Variants in FRMD4A observed in about 807,000 individuals in gnomAD.
FRMD4A encodes the protein FERM domain containing 4A.
Under a neutral mutation model 129.1 loss-of-function variants are expected in FRMD4A, and 29 were observed. That is an observed-to-expected ratio of 0.22 (90% CI 0.17 to 0.31). The LOEUF is 0.31. Ranked by LOEUF, FRMD4A falls within the 10% of genes least tolerant of loss-of-function variation. FRMD4A has a pLI of 1.00. For missense variants in FRMD4A, 1,272 were observed against 1,375.8 expected, an observed-to-expected ratio of 0.92 and a Z score of 1.19; for synonymous variants, 634 against 571.6, an observed-to-expected ratio of 1.11 and a Z score of -1.56.
At chr10:13,960,214 T>A (rs776209525) in intron 2 of FRMD4A, among the ~76,000 whole-genome samples, 2 of 152,150 alleles carry the variant, frequency 1.3e-5, no homozygotes, top group African/African-American at 2.4e-5. Context: ...CCTGACAAAA[T>A]TGTTTGTCAA....
intron 2 of FRMD4A, among the ~76,000 whole-genome samples, chr10:14,171,149 C>T (rs1049432973): frequency 5.3e-5 from 8 of 152,002 alleles, no homozygotes; most frequent in African/African-American, 1.9e-4. Context: ...AATTCACGGA[C>T]ATGATTGATT....
chr10:14,061,316 G>C (rs1011458354), intron 2 of FRMD4A, among the ~76,000 whole-genome samples: 1 of 152,140 alleles, frequency 6.6e-6, no homozygotes, highest in African/African-American at 2.4e-5. Context: ...TCCAGGTGTG[G>C]TGATGTGCAC....
intron 2 of FRMD4A, among the ~76,000 whole-genome samples, chr10:14,016,130 A>G (rs1480741681): frequency 6.6e-6 from 1 of 152,250 alleles, no homozygotes; most frequent in African/African-American, 2.4e-5. Context: ...CTGAGTCTGC[A>G]TGTGAAAATG....
chr10:13,885,858 T>G (rs1263638500), intron 2 of FRMD4A, among the ~76,000 whole-genome samples: 1 of 152,158 alleles, frequency 6.6e-6, no homozygotes, highest in Non-Finnish European at 1.5e-5. Context: ...CTGCTCCCCA[T>G]TGTGCTCCAT....
chr10:13,813,225 G>A (rs1276604598), intron 3 of FRMD4A, among the ~76,000 whole-genome samples: 1 of 152,258 alleles, frequency 6.6e-6, no homozygotes, highest in African/African-American at 2.4e-5. Context: ...TGGGCAGATT[G>A]CGTGAGGTCA....
chr10:14,234,787 A>G (rs1390146285), intron 2 of FRMD4A, among the ~76,000 whole-genome samples: 1 of 152,214 alleles, frequency 6.6e-6, no homozygotes, highest in African/African-American at 2.4e-5. Flanking sequence ...GTGGGCATTC[A>G]GATCTTCCCC....
At chr10:14,178,372 T>G (rs1265978441) in intron 2 of FRMD4A, among the ~76,000 whole-genome samples, 1 of 152,250 alleles carries the variant, frequency 6.6e-6, no homozygotes, top group Non-Finnish European at 1.5e-5. Context: ...GAACATCCAC[T>G]TCAAGCCAGG....
intron 2 of FRMD4A, among the ~76,000 whole-genome samples, chr10:13,878,029 C>T (rs913209971): frequency 6.6e-6 from 1 of 152,132 alleles, no homozygotes; most frequent in Non-Finnish European, 1.5e-5. Context: ...CAGACAGTAA[C>T]GTAGCACCTT....
intron 2 of FRMD4A, chr10:14,074,367 C>T (rs912273810): frequency 6.6e-6 from 1 of 152,118 alleles, no homozygotes. Context: ...ATGTTTAAGA[C>T]CTGGGTCTTC....
At chr10:14,045,540 A>T (rs1275858802) in intron 2 of FRMD4A, among the ~76,000 whole-genome samples, 1 of 151,388 alleles carries the variant, frequency 6.6e-6, no homozygotes, top group African/African-American at 2.4e-5. Flanking sequence ...ATGTATCGTT[A>T]TTGAATAATA....
At chr10:13,670,588 C>T in intron 16 of FRMD4A, 60 bp from the exon 17 acceptor site, 2 of 1,577,354 alleles carry the variant, frequency 1.3e-6, no homozygotes, top group Middle Eastern at 1.7e-4. Flanking sequence ...TGTCTGCTTC[C>T]TAGAACACAC....
At chr10:14,223,334 C>G (rs1843324678) in intron 2 of FRMD4A, among the ~76,000 whole-genome samples, 1 of 152,228 alleles carries the variant, frequency 6.6e-6, no homozygotes, top group Non-Finnish European at 1.5e-5. Flanking sequence ...TCCCCCATAT[C>G]TGGAGTGGAG....
chr10:13,843,680 T>C (rs1258150692), intron 3 of FRMD4A, among the ~76,000 whole-genome samples: 1 of 152,144 alleles, frequency 6.6e-6, no homozygotes, highest in Non-Finnish European at 1.5e-5. Flanking sequence ...GTATTTTTAG[T>C]AGAGATGGGA....
chr10:13,894,306 G>A (rs555175434), intron 2 of FRMD4A, among the ~76,000 whole-genome samples: 29 of 152,248 alleles, frequency 1.9e-4, no homozygotes, highest in South Asian at 4.2e-4. Flanking sequence ...CGTAACTTTC[G>A]CTAAAAACCT....
At chr10:13,748,320 G>A (rs1385820954) in intron 8 of FRMD4A, among the ~76,000 whole-genome samples, 4 of 152,162 alleles carry the variant, frequency 2.6e-5, no homozygotes, top group African/African-American at 9.7e-5. Flanking sequence ...ACCACATGCT[G>A]GAAACTGTTT....
chr10:13,666,442 G>C, intron 17 of FRMD4A, 117 bp from the exon 18 acceptor site: 2 of 681,596 alleles, frequency 2.9e-6, no homozygotes, highest in Non-Finnish European at 5.1e-6. Flanking sequence ...CTTAAGAGTA[G>C]CCCCACTCCT....
intron 12 of FRMD4A, among the ~76,000 whole-genome samples, chr10:13,737,240 C>T (rs916909596): frequency 4.6e-5 from 7 of 152,222 alleles, no homozygotes; most frequent in African/African-American, 1.7e-4. Context: ...CAGGCATGCA[C>T]CACCATGCCC....
In FRMD4A at chr10:13,645,472, A is replaced by G. The variant is rs1016468678; in HGVS notation, c.*1566T>C. The G allele has an allele frequency of 6.6e-6, 1 of 152,578 alleles. No homozygotes were observed. Among genetic ancestry groups the G allele is most frequent in the African/African-American group, 2.4e-5 (1 of 41,430 alleles). The allele number at this position is 152,578 out of a possible 1,614,324, so 9.5% of individuals were successfully genotyped here. ...AAAGTCGTGCACTTGTTACTATAAA[A>G]GTATTTTTGAGGCCTTTGAAGATTG... is the stretch of plus-strand genomic sequence containing the variant. On this transcript the variant is annotated 3_prime_UTR_variant, in exon 25 of 25. Coordinates refer to ENST00000357447, the MANE Select transcript of FRMD4A (RefSeq NM_018027.5).
At chr10:14,152,880 G>A (rs1344599060) in intron 2 of FRMD4A, among the ~76,000 whole-genome samples, 1 of 152,102 alleles carries the variant, frequency 6.6e-6, no homozygotes, top group Non-Finnish European at 1.5e-5. Flanking sequence ...GACTCCTTCA[G>A]CTGGGAAGAG....
Sources: gnomAD v4.1 joint callset for allele counts (sites outside exome capture counted in the v4.1 genomes callset) on GRCh38, gnomAD v4.1.1 for gene constraint, MANE v1.5 for transcripts, NCBI Gene and HGNC (gene_info 2026-07-23, HGNC 2026-07-21) for gene names.